Variants in URI1 observed in about 807,000 individuals in gnomAD.
URI1 encodes the protein URI1 prefoldin like chaperone, also known as unconventional prefoldin RPB5 interactor 1.
Under a neutral mutation model 60.2 loss-of-function variants are expected in URI1, and 39 were observed. That is an observed-to-expected ratio of 0.65 (90% CI 0.50 to 0.85). The LOEUF (loss-of-function observed/expected upper bound fraction) is 0.85. Ranked by LOEUF, URI1 falls within the 40% of genes least tolerant of loss-of-function variation. URI1 has a pLI of 0.00. For missense variants in URI1, 691 were observed against 665.9 expected (o/e 1.04, Z -0.42); for synonymous variants, 251 against 236.8 (o/e 1.06, Z -0.55).
Position 29,942,570 on chromosome 19 carries a change from C to T in URI1, c.23C>T (p.Thr8Met), listed in dbSNP as rs1318836334. 3 of 1,422,716 alleles carry T rather than the reference C, an allele frequency of 2.1e-6. No individual in the cohort carries two copies. Among genetic ancestry groups the T allele is most frequent in the Non-Finnish European group, 2.8e-6 (3 of 1,089,338 alleles). The allele number at this position is 1,422,716 out of a possible 1,614,324, so 88.1% of individuals were successfully genotyped here. The change falls in exon 1 of 11, where the codon ACG (threonine) becomes ATG (methionine). Residue 8 changes from threonine (T) to methionine (M), a missense_variant. Physicochemically the swap from Thr to Met is moderately conservative, Grantham distance 81. Transcript: ENST00000392271. The stretch of plus-strand genomic sequence containing the variant: ...GTCATGGAGGCGCCCACCGTGGAGA[C>T]GCCCCCCGACCCCTCGCCCCCTTCG... MEAPTVE[T>M]PPDPSPPSAP... is the part of the protein sequence containing the mutation.
intron 1 of URI1, among the ~76,000 whole-genome samples, chr19:29,948,026 T>C (rs1248744949): frequency 6.6e-6 from 1 of 152,248 alleles, no homozygotes; most frequent in African/African-American, 2.4e-5. Flanking sequence ...CAGCATTTAT[T>C]GGAAAGAGTG....
Position 30,014,950 on chromosome 19 carries a change from A to G in URI1, c.1489A>G (p.Ile497Val). 1.9e-6 allele frequency: 3 copies of G among 1,613,758 alleles called. No homozygotes were observed. The highest frequency in any genetic ancestry group is 2.5e-6 in the Non-Finnish European group (3 of 1,179,748). The change falls in exon 11 of 11, where the codon ATT (isoleucine) becomes GTT (valine). Residue 497 changes from isoleucine to valine, a missense_variant. By Grantham distance (29) the Ile-to-Val change is conservative. Coordinates refer to ENST00000392271, the MANE Select transcript of URI1 (RefSeq NM_003796.3). ...VSPSLTPPPA[I>V]AHPALPTIPE... is the part of the protein sequence containing the mutation. ...ACCTTCCTTAACACCACCCCCAGCCATTGCTCATCCCGCACTACCCACTAT... is the reference window on the plus strand; with the variant it reads ...ACCTTCCTTAACACCACCCCCAGCCGTTGCTCATCCCGCACTACCCACTAT...
In URI1 at chr19:29,965,322, G is replaced by GAGCC. The variant is rs1312277353; in HGVS notation, c.118-5869_118-5868insCCAG. Among the ~76,000 whole-genome samples, 10 of 152,130 alleles carry GAGCC rather than the reference G, an allele frequency of 6.6e-5. No individual in the cohort carries two copies. The South Asian group carries it at 2.1e-3, about 32-fold the overall frequency. The stretch of plus-strand genomic sequence containing the variant: ...TATGGGAGAAGGGCAGGGTTTCTAC[G>GAGCC]AGGAAGGCATGTGAATGGAGAAGAA... On this transcript the variant is annotated intron_variant, in intron 1 of 10. Transcript: ENST00000392271.
At chr19:30,010,952 T>A (rs576905405) in intron 8 of URI1, 142 bp from the exon 9 acceptor site, 7 of 837,212 alleles carry the variant, frequency 8.4e-6, no homozygotes, top group Non-Finnish European at 1.2e-5. Context: ...AAATTCCATC[T>A]GATAATGCAC....
intron 2 of URI1, among the ~76,000 whole-genome samples, chr19:29,973,517 T>C (rs951525399): frequency 6.6e-6 from 1 of 152,182 alleles, no homozygotes; most frequent in Non-Finnish European, 1.5e-5. Flanking sequence ...AATGCATTCT[T>C]ATGCTGGTGA....
intron 4 of URI1, among the ~76,000 whole-genome samples, chr19:29,993,437 T>G (rs977039766): frequency 2.0e-5 from 3 of 152,246 alleles, no homozygotes; most frequent in Non-Finnish European, 4.4e-5. Flanking sequence ...TAGTCTTGTT[T>G]AATGTTGTGG....
intron 1 of URI1, among the ~76,000 whole-genome samples, chr19:29,936,876 C>T (rs2054977773): frequency 6.6e-6 from 1 of 152,106 alleles, no homozygotes; most frequent in South Asian, 2.1e-4. Context: ...CCTCAGCCTC[C>T]CCAGCAGCTA....
At chr19:29,962,724 CTA>C (rs1348826649) in intron 1 of URI1, among the ~76,000 whole-genome samples, 4 of 151,316 alleles carry the variant, frequency 2.6e-5, no homozygotes, top group South Asian at 2.1e-4. Context: ...ATAACAATAT[CTA>C]GTTTAATAAT....
chr19:29,969,932 C>A (rs2055437264), intron 1 of URI1, among the ~76,000 whole-genome samples: 1 of 152,002 alleles, frequency 6.6e-6, no homozygotes, highest in Non-Finnish European at 1.5e-5. Flanking sequence ...TTGATACTTA[C>A]TGAGAGATCT....
At chr19:29,959,262 GC>G (rs2055291542) in intron 1 of URI1, among the ~76,000 whole-genome samples, 1 of 152,064 alleles carries the variant, frequency 6.6e-6, no homozygotes. Flanking sequence ...AGTAGCTGGG[GC>G]TATAGGAATG....
chr19:30,004,852 G>T (rs1417374610), intron 4 of URI1, among the ~76,000 whole-genome samples: 1 of 151,976 alleles, frequency 6.6e-6, no homozygotes, highest in African/African-American at 2.4e-5. Context: ...GCTGTGTGTT[G>T]TGTTGTTATG....
chr19:30,006,546 A>C (rs2055945069), intron 6 of URI1, among the ~76,000 whole-genome samples: 1 of 152,156 alleles, frequency 6.6e-6, no homozygotes, highest in African/African-American at 2.4e-5. Context: ...GTGACAAATT[A>C]TGAGCGCTAC....
At chr19:29,942,176 G>T, upstream of URI1, 1 of 978,674 alleles carries the variant, frequency 1.0e-6, no homozygotes, top group Non-Finnish European at 1.2e-6. Context: ...GGGCCTGCGC[G>T]AGCTGGGCGT....
intron 4 of URI1, among the ~76,000 whole-genome samples, chr19:30,005,125 T>G (rs1278895291): frequency 1.3e-5 from 2 of 152,020 alleles, no homozygotes; most frequent in African/African-American, 4.8e-5. Flanking sequence ...CTGTACTCTG[T>G]AATAGAGAGA....
intron 1 of URI1, among the ~76,000 whole-genome samples, chr19:29,959,769 G>A (rs527678858): frequency 3.4e-4 from 51 of 149,330 alleles, no homozygotes; most frequent in African/African-American, 1.3e-3. Flanking sequence ...CTTCTTAAGG[G>A]TTTATCAATT....
chr19:29,924,000 A>G (rs13345194), intron 1 of URI1, among the ~76,000 whole-genome samples: 3,371 of 152,242 alleles, frequency 0.022, 126 homozygotes, highest in African/African-American at 0.077. Context: ...GGTATCATTC[A>G]GTTTGAGCCT....
intron 1 of URI1, among the ~76,000 whole-genome samples, chr19:29,942,954 G>T (rs962333516): frequency 3.3e-5 from 5 of 152,224 alleles, no homozygotes; most frequent in African/African-American, 1.2e-4. Context: ...CAACGGAAGC[G>T]TTCGCCTTAA....
At position 30,015,305 on chromosome 19, in the gene URI1, T is replaced by C. The variant is rs1391472117; in HGVS notation, c.*236T>C. ...ATACTGTCAACACTCTTATCTAAGT[T>C]TGCCTTTATGATGCAGTGGCAGCAT... On this transcript the variant is annotated 3_prime_UTR_variant, in exon 11 of 11. Coordinates refer to ENST00000392271, the MANE Select transcript of URI1 (RefSeq NM_003796.3). 7.1e-7 allele frequency: 1 copy of C among 1,416,512 alleles called. No individual in the cohort carries two copies. The highest frequency in any genetic ancestry group is 1.4e-5 in the African/African-American group (1 of 69,448). The allele number at this position is 1,416,512 out of a possible 1,614,324, so 87.7% of individuals were successfully genotyped here. A position where few individuals can be genotyped will look rare whatever the true frequency, so the allele number is the denominator to read the frequency against.
rs144203892 is a variant in URI1 at position 30,006,721 on chromosome 19, G to A, written c.518-749G>A. Among the ~76,000 whole-genome samples, 536 of 152,084 alleles carry A rather than the reference G, an allele frequency of 3.5e-3. 5 individuals are homozygous for A. The highest frequency in any genetic ancestry group is 0.012 in the African/African-American group (516 of 41,516). On this transcript the variant is annotated intron_variant, in intron 6 of 10. Transcript: ENST00000392271. Reference sequence around the variant, plus strand: ...GTAGTGCCATATCTCATAACAGGACGCATCTTAGACTTCTTCCCATTACTT... The same window carrying A: ...GTAGTGCCATATCTCATAACAGGACACATCTTAGACTTCTTCCCATTACTT...
Sources: allele counts gnomAD v4.1 joint callset (sites outside exome capture counted in the v4.1 genomes callset), GRCh38; gene constraint gnomAD v4.1.1; transcripts MANE v1.5; gene names NCBI Gene and HGNC (gene_info 2026-07-23, HGNC 2026-07-21).